Variants in GALNTL6 observed in about 807,000 individuals in gnomAD.
GALNTL6 encodes the protein polypeptide N-acetylgalactosaminyltransferase like 6.
Under a neutral mutation model 73.7 loss-of-function variants are expected in GALNTL6, and 46 were observed. The observed-to-expected ratio is 0.62, with a 90% CI of 0.49 to 0.80. GALNTL6 has a LOEUF of 0.80. Ranked by LOEUF, GALNTL6 falls within the 30% of genes least tolerant of loss-of-function variation. The probability of loss-of-function intolerance (pLI) is 0.00; values close to 1 mark genes in which losing one functional copy is unlikely to be tolerated. For synonymous variants in GALNTL6, 259 were observed against 263.7 expected (o/e 0.98, Z 0.17); for missense variants, 604 against 755.0 (o/e 0.80, Z 2.34).
At chr4:172,848,783 G>A (rs1411489884) in intron 7 of GALNTL6, among the ~76,000 whole-genome samples, 1 of 152,162 alleles carries the variant, frequency 6.6e-6, no homozygotes, top group East Asian at 1.9e-4. Flanking sequence ...GGAAATGATA[G>A]GGAGTAAGGG....
chr4:172,470,091 G>T (rs1195245020), intron 5 of GALNTL6, among the ~76,000 whole-genome samples: 1 of 152,174 alleles, frequency 6.6e-6, no homozygotes, highest in Non-Finnish European at 1.5e-5. Context: ...ACTGATCCAG[G>T]TGTAGCACAA....
chr4:172,938,050 G>GT (rs1323893505), intron 9 of GALNTL6, among the ~76,000 whole-genome samples: 2 of 152,204 alleles, frequency 1.3e-5, no homozygotes, highest in Non-Finnish European at 2.9e-5. Flanking sequence ...TTAGCAAAGT[G>GT]TAACAACCTT....
chr4:172,346,035 A>G (rs1220421540), intron 4 of GALNTL6, among the ~76,000 whole-genome samples: 1 of 152,210 alleles, frequency 6.6e-6, no homozygotes, highest in Non-Finnish European at 1.5e-5. Flanking sequence ...GATGAGAGAA[A>G]GTACTCACTT....
intron 3 of GALNTL6, among the ~76,000 whole-genome samples, chr4:172,236,934 T>G (rs1344615520): frequency 4.6e-5 from 7 of 152,182 alleles, no homozygotes; most frequent in Admixed American, 4.6e-4. Flanking sequence ...GTACTCAACG[T>G]TTAGTTCTCA....
chr4:171,907,705 G>A (rs1053335645), intron 2 of GALNTL6, among the ~76,000 whole-genome samples: 22 of 151,302 alleles, frequency 1.5e-4, no homozygotes, highest in African/African-American at 5.4e-4. Flanking sequence ...TAAGCCAAAA[G>A]AACAAAGCCA....
At chr4:172,714,992 CA>C (rs34333805) in intron 5 of GALNTL6, among the ~76,000 whole-genome samples, 144,880 of 149,722 alleles carry the variant, frequency 0.97, 70,230 homozygotes, top group South Asian at 1. Flanking sequence ...ACATTTACTT[CA>C]AAAAAAAAAA....
At chr4:172,012,217 G>A (rs1263916220) in intron 2 of GALNTL6, among the ~76,000 whole-genome samples, 1 of 152,042 alleles carries the variant, frequency 6.6e-6, no homozygotes, top group Non-Finnish European at 1.5e-5. Context: ...AAGATATGAT[G>A]AAAACACATT....
intron 5 of GALNTL6, among the ~76,000 whole-genome samples, chr4:172,735,431 A>G (rs1397512383): frequency 6.6e-6 from 1 of 152,148 alleles, no homozygotes; most frequent in Non-Finnish European, 1.5e-5. Context: ...GTGTTTACCC[A>G]TTGCCTATAC....
At chr4:172,769,814 G>A (rs915611069) in intron 5 of GALNTL6, among the ~76,000 whole-genome samples, 2 of 152,136 alleles carry the variant, frequency 1.3e-5, no homozygotes, top group African/African-American at 4.8e-5. Context: ...TTACTATTCT[G>A]TGCAGAGGAA....
chr4:171,854,101 C>T (rs1193927712), intron 2 of GALNTL6, among the ~76,000 whole-genome samples: 1 of 152,174 alleles, frequency 6.6e-6, no homozygotes, highest in Non-Finnish European at 1.5e-5. Context: ...TATACTCTTG[C>T]TGGGTTCCCT....
intron 2 of GALNTL6, among the ~76,000 whole-genome samples, chr4:172,019,837 A>G (rs1579064473): frequency 6.6e-6 from 1 of 152,268 alleles, no homozygotes; most frequent in East Asian, 1.9e-4. Context: ...AGATATTTAC[A>G]GAACATTTCA....
In GALNTL6 at chr4:172,346,881, A is replaced by T. The variant is rs375266393; in HGVS notation, c.387-1642A>T. ...TCAAAAGAGAAAGCCTTTGTCACAC[A>T]TGATTGGTCTTGCATTCTTTTTTGT... On this transcript the variant is annotated intron_variant, in intron 4 of 12. Transcript: ENST00000506823. Among the ~76,000 whole-genome samples the T allele has an allele frequency of 1.6e-4, 24 of 152,142 alleles. No homozygotes were observed. In the South Asian group the frequency reaches 2.3e-3, roughly 14 times the overall value.
At chr4:172,077,866 A>G (rs562966280) in intron 2 of GALNTL6, among the ~76,000 whole-genome samples, 2 of 152,002 alleles carry the variant, frequency 1.3e-5, no homozygotes, top group African/African-American at 4.8e-5. Flanking sequence ...ACCTAGGAGG[A>G]AAAAAATGGT....
chr4:172,235,042 T>C (rs1737194468), intron 3 of GALNTL6, among the ~76,000 whole-genome samples: 1 of 152,202 alleles, frequency 6.6e-6, no homozygotes, highest in African/African-American at 2.4e-5. Context: ...TTGTCCATTA[T>C]ATCTAAATGT....
chr4:172,096,466 A>T (rs1311130552), intron 2 of GALNTL6, among the ~76,000 whole-genome samples: 1 of 151,762 alleles, frequency 6.6e-6, no homozygotes, highest in African/African-American at 2.4e-5. Context: ...CCCTCAGAAT[A>T]TTTTATTTCC....
intron 10 of GALNTL6, among the ~76,000 whole-genome samples, chr4:172,962,603 G>A (rs145253746): frequency 6.6e-6 from 1 of 152,114 alleles, no homozygotes; most frequent in Non-Finnish European, 1.5e-5. Flanking sequence ...GCATTTATGG[G>A]AAGGAACCAC....
chr4:172,461,579 C>CA (rs762918511), intron 5 of GALNTL6, among the ~76,000 whole-genome samples: 46 of 151,804 alleles, frequency 3.0e-4, no homozygotes, highest in Non-Finnish European at 6.0e-4. Flanking sequence ...CACTCTGGCC[C>CA]AAAAAAGGAT....
chr4:172,872,416 A>G (rs1434302348), intron 7 of GALNTL6, among the ~76,000 whole-genome samples: 1 of 152,232 alleles, frequency 6.6e-6, no homozygotes, highest in South Asian at 2.1e-4. Context: ...CCTTCTGTTC[A>G]TCTCAATTAT....
chr4:171,940,289 G>A (rs1391618204), intron 2 of GALNTL6, among the ~76,000 whole-genome samples: 1 of 151,916 alleles, frequency 6.6e-6, no homozygotes, highest in Non-Finnish European at 1.5e-5. Flanking sequence ...TAATCAAAGA[G>A]TGGGTGGAAA....
Sources: allele counts gnomAD v4.1 joint callset (sites outside exome capture counted in the v4.1 genomes callset), GRCh38; gene constraint gnomAD v4.1.1; transcripts MANE v1.5; gene names NCBI Gene and HGNC (gene_info 2026-07-23, HGNC 2026-07-21).